SLCO2B1: variants seen among roughly 807,000 people sequenced by gnomAD.
SLCO2B1 encodes OATP-RP2.
SLCO2B1 carries 41 observed loss-of-function variants against 67.3 expected under a neutral mutation model. That is an observed-to-expected ratio of 0.61 (90% confidence interval 0.47 to 0.79). The LOEUF is 0.79. Among genes scored for constraint, SLCO2B1 ranks in the 30% least tolerant of loss-of-function variants. The pLI is 0.00. For synonymous variants in SLCO2B1, 379 were observed against 381.4 expected, an observed-to-expected ratio of 0.99 and a Z score of 0.07; for missense variants, 837 against 920.1, an observed-to-expected ratio of 0.91 and a Z score of 1.17.
rs1221608556 is a variant in SLCO2B1, at chr11:75,159,910, CAGGCTCCATGAGTGGGCAGGTGAG to C, written c.17-2740_17-2717del. On this transcript the variant is annotated intron_variant, in intron 1 of 13. Transcript: ENST00000289575. ...TGGGAGATCACCTGAGGCAGGTGAG[CAGGCTCCATGAGTGGGCAGGTGAG>C]AGGCCAGGGGGCTGGAACTGGGGCT... 4 of 977,502 alleles carry C rather than the reference CAGGCTCCATGAGTGGGCAGGTGAG, an allele frequency of 4.1e-6. No homozygotes were observed. In the South Asian group the frequency reaches 1.4e-4, roughly 35 times the overall value. 60.6% of individuals were successfully genotyped at this position (977,502 alleles called of 1,614,324 possible).
chr11:75,184,936 T>C (rs894144808), intron 7 of SLCO2B1, among the ~76,000 whole-genome samples: 2 of 152,146 alleles, frequency 1.3e-5, no homozygotes, highest in African/African-American at 4.8e-5. Context: ...AAGGGAAATC[T>C]TGCAATCCAT....
chr11:75,165,722 G>A, intron 3 of SLCO2B1, 65 bp from the exon 4 acceptor site: 3 of 1,527,840 alleles, frequency 2.0e-6, no homozygotes, highest in Non-Finnish European at 2.7e-6. Context: ...ATAGAGACAA[G>A]GATAGTGCAG....
chr11:75,167,515 C>T (rs536438270), intron 4 of SLCO2B1, among the ~76,000 whole-genome samples: 126 of 152,284 alleles, frequency 8.3e-4, no homozygotes, highest in Non-Finnish European at 1.4e-3. Context: ...TCCAAACTCC[C>T]CTCCTGTTCT....
Position 75,179,726 on chromosome 11 carries a change from GGTTTTGTTTT to G in SLCO2B1, c.972+7173_972+7182del, listed in dbSNP as rs747391777. ...TTCCAATTATACTCTCTTAGTTGTT[GGTTTTGTTTT>G]GTTTTGTTTTGTTTTTTTGAAACAG... On this transcript the variant is annotated intron_variant, in intron 7 of 13. Coordinates refer to ENST00000289575, the MANE Select transcript of SLCO2B1 (RefSeq NM_007256.5). 2.6e-5 allele frequency among the ~76,000 whole-genome samples: 4 copies of G among 151,864 alleles called. No homozygotes were observed. The East Asian group carries it at 7.7e-4, about 29-fold the overall frequency.
At chr11:75,182,050 C>T (rs1184206859) in intron 7 of SLCO2B1, among the ~76,000 whole-genome samples, 1 of 152,190 alleles carries the variant, frequency 6.6e-6, no homozygotes, top group Admixed American at 6.5e-5. Context: ...TTGGCCCCAG[C>T]CCCTACCCCA....
chr11:75,160,184 C>T (rs879606413), intron 1 of SLCO2B1, among the ~76,000 whole-genome samples: 1 of 152,212 alleles, frequency 6.6e-6, no homozygotes, highest in Non-Finnish European at 1.5e-5. Flanking sequence ...GGCTTGGCCC[C>T]TTGGTGGACT....
At chr11:75,198,374 G>A (rs1435140731) in intron 10 of SLCO2B1, among the ~76,000 whole-genome samples, 1 of 152,234 alleles carries the variant, frequency 6.6e-6, no homozygotes, top group African/African-American at 2.4e-5. Context: ...CTGAATAAAT[G>A]CTTTACCTGG....
intron 10 of SLCO2B1, 123 bp from the exon 11 acceptor site, chr11:75,200,101 G>T: frequency 9.6e-7 from 1 of 1,038,934 alleles, no homozygotes; most frequent in Non-Finnish European, 1.4e-6. Flanking sequence ...CGGACTCCCA[G>T]CCAGCTCTAC....
In SLCO2B1 at chr11:75,151,294, C is replaced by A. The variant is rs1949684605; in HGVS notation, c.-88C>A. On this transcript the variant is annotated 5_prime_UTR_variant, in exon 1 of 14. Transcript: ENST00000289575. Reference sequence around the variant, plus strand: ...GCTCACCTGCTGCTGTCTCCAGGAGCCCCTGAGAAGATTTGCTTCCTCTCC... The same window carrying A: ...GCTCACCTGCTGCTGTCTCCAGGAGACCCTGAGAAGATTTGCTTCCTCTCC... 3 of 1,229,256 alleles carry A rather than the reference C, an allele frequency of 2.4e-6. No individual in the cohort carries two copies. Among genetic ancestry groups the A allele is most frequent in the Admixed American group, 1.9e-5 (1 of 51,482 alleles). The allele number at this position is 1,229,256 out of a possible 1,614,324, so 76.1% of individuals were successfully genotyped here.
chr11:75,164,698 C>G (rs921154447), intron 3 of SLCO2B1, among the ~76,000 whole-genome samples: 2 of 152,158 alleles, frequency 1.3e-5, no homozygotes, highest in African/African-American at 4.8e-5. Context: ...TGTCTTTCTC[C>G]CCTGTCCCCA....
rs769764109 is a variant in SLCO2B1 at position 75,164,021 on chromosome 11, T to C, written c.206T>C (p.Leu69Pro). The C allele has an allele frequency of 1.2e-6, 2 of 1,606,942 alleles. No homozygotes were observed. The highest frequency in any genetic ancestry group is 1.7e-6 in the Non-Finnish European group (2 of 1,176,896). Reference protein sequence around the residue: ...QLAQLMISGYLKSSISTVEKR... With the variant: ...QLAQLMISGYPKSSISTVEKR... ...GCGCAGCTCATGATCTCCGGCTACC[T>C]AAAGAGCTCCATCTCCACAGTGGAG... Residue 69 changes from leucine (L) to proline (P), a missense_variant, in exon 3 of 14, where the codon CTA becomes CCA. Transcript: ENST00000289575.
At chr11:75,197,024 G>C (rs973580102) in intron 10 of SLCO2B1, among the ~76,000 whole-genome samples, 1 of 152,344 alleles carries the variant, frequency 6.6e-6, no homozygotes, top group East Asian at 1.9e-4. Context: ...GCTGAGGCAG[G>C]AGAATCACTT....
intron 1 of SLCO2B1, among the ~76,000 whole-genome samples, chr11:75,161,651 T>G (rs937301224): frequency 2.0e-5 from 3 of 152,130 alleles, no homozygotes; most frequent in African/African-American, 7.2e-5. Context: ...AGGAAACTCC[T>G]GCCGGTGGTG....
intron 1 of SLCO2B1, among the ~76,000 whole-genome samples, chr11:75,157,914 G>T (rs1434194653): frequency 6.6e-6 from 1 of 151,926 alleles, no homozygotes; most frequent in Non-Finnish European, 1.5e-5. Flanking sequence ...GCCTCCCAAA[G>T]TGTTGGAATT....
chr11:75,159,913 G>T (rs1053708950), intron 1 of SLCO2B1: 3 of 972,728 alleles, frequency 3.1e-6, no homozygotes, highest in Non-Finnish European at 3.7e-6. Context: ...AGGTGAGCAG[G>T]CTCCATGAGT....
chr11:75,176,198 C>T (rs1202930457), intron 7 of SLCO2B1, among the ~76,000 whole-genome samples: 1 of 152,182 alleles, frequency 6.6e-6, no homozygotes, highest in African/African-American at 2.4e-5. Context: ...ATTCTTCGTC[C>T]CCATCTGTCC....
rs1949857488 is a variant in SLCO2B1, at chr11:75,164,087, C to A, written c.272C>A (p.Ala91Asp). Residue 91 changes from alanine to aspartate, a missense_variant, in exon 3 of 14, where the codon GCC becomes GAC. Ala to Asp is a moderately radical substitution (Grantham distance 126). Coordinates refer to ENST00000289575, the MANE Select transcript of SLCO2B1 (RefSeq NM_007256.5). ...TCCAGCCAGACGTCGGGGCTGCTGGCCTCCTTCAACGAGGTACAGGCCCCA... is the reference window on the plus strand; with the variant it reads ...TCCAGCCAGACGTCGGGGCTGCTGGACTCCTTCAACGAGGTACAGGCCCCA... ...GLSSQTSGLL[A>D]SFNEVGNTAL... 2 of 1,607,458 alleles carry A rather than the reference C, an allele frequency of 1.2e-6. No homozygotes were observed. Among genetic ancestry groups the A allele is most frequent in the Non-Finnish European group, 8.5e-7 (1 of 1,177,444 alleles).
chr11:75,174,428 T>C (rs1234999776), intron 7 of SLCO2B1, among the ~76,000 whole-genome samples: 1 of 152,142 alleles, frequency 6.6e-6, no homozygotes, highest in Non-Finnish European at 1.5e-5. Context: ...CCAGGCCAGG[T>C]GGAAGCCGTG....
Position 75,169,650 on chromosome 11 carries a change from A to T in SLCO2B1, c.683-16A>T. 1 of 1,596,286 alleles carries T rather than the reference A, an allele frequency of 6.3e-7. No homozygotes were observed. The highest frequency in any genetic ancestry group is 8.6e-7 in the Non-Finnish European group (1 of 1,167,898). ...AGCCAGGGCCAGAGGATCCTAACTC[A>T]GGCTTTGTGTTGTAGGGATCCTGTT... On this transcript the variant is annotated splice_polypyrimidine_tract_variant and intron_variant, in intron 5 of 13. Transcript: ENST00000289575.
Sources: gnomAD v4.1 joint callset for allele counts (sites outside exome capture counted in the v4.1 genomes callset) on GRCh38, gnomAD v4.1.1 for gene constraint, MANE v1.5 for transcripts, NCBI Gene and HGNC (gene_info 2026-07-23, HGNC 2026-07-21) for gene names.